Variants in SLC26A2 observed in about 807,000 individuals in gnomAD.
The protein encoded by SLC26A2 is sulfate transporter.
SLC26A2 carries 36 observed loss-of-function variants against 41.1 expected under a neutral mutation model. That is an observed-to-expected ratio of 0.88 (90% confidence interval 0.67 to 1.16). SLC26A2 has a LOEUF of 1.16. Ranked by LOEUF, SLC26A2 falls within the 50% of genes most tolerant of loss-of-function variation. The pLI is 0.00. For missense variants in SLC26A2, 796 were observed against 869.6 expected (o/e 0.92, Z 1.07); for synonymous variants, 291 against 311.6 (o/e 0.93, Z 0.70).
intron 1 of SLC26A2, among the ~76,000 whole-genome samples, chr5:149,966,464 C>T (rs141917917): frequency 6.6e-6 from 1 of 152,318 alleles, no homozygotes; most frequent in East Asian, 1.9e-4. Context: ...CACACATACA[C>T]AAACATGCAT....
chr5:149,971,785 G>A (rs947150723), intron 1 of SLC26A2, among the ~76,000 whole-genome samples: 1 of 152,184 alleles, frequency 6.6e-6, no homozygotes, highest in Non-Finnish European at 1.5e-5. Flanking sequence ...AGTGGAAAAA[G>A]AATGAAATAA....
At chr5:149,979,659 A>G (rs1755058139) in intron 2 of SLC26A2, among the ~76,000 whole-genome samples, 1 of 152,242 alleles carries the variant, frequency 6.6e-6, no homozygotes, top group South Asian at 2.1e-4. Context: ...TTTTATTAAT[A>G]TGGGAGACAG....
chr5:149,974,851 G>A (rs892083578), intron 1 of SLC26A2, among the ~76,000 whole-genome samples: 62 of 150,760 alleles, frequency 4.1e-4, no homozygotes, highest in Admixed American at 2.5e-3. Context: ...TCGGCCTCGC[G>A]AGTAGCTGGG....
At chr5:149,970,982 C>G (rs773329404) in intron 1 of SLC26A2, among the ~76,000 whole-genome samples, 4 of 152,156 alleles carry the variant, frequency 2.6e-5, no homozygotes, top group Non-Finnish European at 4.4e-5. Flanking sequence ...AGACCAGTAC[C>G]CAACCTCTAG....
chr5:149,966,256 T>C (rs1404376955), intron 1 of SLC26A2, among the ~76,000 whole-genome samples: 1 of 152,218 alleles, frequency 6.6e-6, no homozygotes, highest in Non-Finnish European at 1.5e-5. Flanking sequence ...TCTTGATCTC[T>C]GTCTAGCTCT....
At chr5:149,970,758 G>A (rs1360118272) in intron 1 of SLC26A2, among the ~76,000 whole-genome samples, 1 of 152,276 alleles carries the variant, frequency 6.6e-6, no homozygotes, top group East Asian at 1.9e-4. Flanking sequence ...ATAGTGAGAA[G>A]GGATTGGATT....
chr5:149,980,006 T>C (rs182124535), intron 2 of SLC26A2, among the ~76,000 whole-genome samples: 2 of 151,280 alleles, frequency 1.3e-5, no homozygotes, highest in African/African-American at 4.8e-5. Flanking sequence ...AAAAAAGAGG[T>C]ATGAACCTTA....
chr5:149,963,013 G>A (rs1754739017), intron 1 of SLC26A2, among the ~76,000 whole-genome samples: 1 of 152,210 alleles, frequency 6.6e-6, no homozygotes, highest in South Asian at 2.1e-4. Flanking sequence ...AAAATAAAGG[G>A]CATAGGAGTG....
At chr5:149,977,565 G>A (rs915319516) in intron 1 of SLC26A2, 63 bp from the exon 2 acceptor site, 32 of 855,006 alleles carry the variant, frequency 3.7e-5, no homozygotes, top group Middle Eastern at 2.2e-4. Flanking sequence ...AAATAGAATT[G>A]TTAGTATATG....
At chr5:149,967,392 T>C (rs1754823794) in intron 1 of SLC26A2, among the ~76,000 whole-genome samples, 1 of 152,198 alleles carries the variant, frequency 6.6e-6, no homozygotes, top group Non-Finnish European at 1.5e-5. Context: ...TTGTAATCTC[T>C]CTCTCCTACC....
chr5:149,985,876 T>TA lies in SLC26A2; in HGVS notation c.*4064dup, dbSNP rs886060247. The stretch of plus-strand genomic sequence containing the variant: ...AACTCTCCCAGGGAACACACTAGGG[T>TA]ACTTAGGGAGGTGCTTTGTGGAGCA... On this transcript the variant is annotated 3_prime_UTR_variant, in exon 3 of 3. Coordinates refer to ENST00000286298, the MANE Select transcript of SLC26A2 (RefSeq NM_000112.4). 13 of 152,334 alleles carry TA rather than the reference T, an allele frequency of 8.5e-5. No individual in the cohort carries two copies. Among genetic ancestry groups the TA allele is most frequent in the East Asian group, 3.9e-4 (2 of 5,184 alleles). 9.4% of individuals were successfully genotyped at this position (152,334 alleles called of 1,614,324 possible). A position where few individuals can be genotyped will look rare whatever the true frequency, so the allele number is the denominator to read the frequency against.
intron 1 of SLC26A2, among the ~76,000 whole-genome samples, chr5:149,966,165 G>T (rs245052): frequency 0.55 from 83,046 of 152,098 alleles, 25,301 homozygotes; most frequent in African/African-American, 0.83. Flanking sequence ...TCGGCCTTCC[G>T]AAGTGCTGAG....
At position 149,978,642 on chromosome 5, in the gene SLC26A2, CA is replaced by C. The variant is rs1168240220; in HGVS notation, c.699+292del. 1.5e-4 allele frequency among the ~76,000 whole-genome samples: 22 copies of C among 151,192 alleles called. No individual in the cohort carries two copies. The East Asian group carries it at 4.3e-3, about 29-fold the overall frequency. ...TGGTTATTGGCAGAGTCAGCATTAG[CA>C]GTTAGGCAAGTGGGTAACAGAATGG... On this transcript the variant is annotated intron_variant, in intron 2 of 2. Transcript: ENST00000286298.
chr5:149,974,376 C>T (rs181023006), intron 1 of SLC26A2, among the ~76,000 whole-genome samples: 100 of 151,264 alleles, frequency 6.6e-4, no homozygotes, highest in African/African-American at 2.3e-3. Context: ...TATATTTACT[C>T]TTCTTGGAAT....
At chr5:149,975,924 G>A (rs1462449259) in intron 1 of SLC26A2, among the ~76,000 whole-genome samples, 2 of 152,106 alleles carry the variant, frequency 1.3e-5, no homozygotes, top group African/African-American at 4.8e-5. Context: ...TTGGGAGGCT[G>A]AGGCGGATGG....
chr5:149,968,371 A>T (rs777475930), intron 1 of SLC26A2, among the ~76,000 whole-genome samples: 1 of 151,862 alleles, frequency 6.6e-6, no homozygotes, highest in African/African-American at 2.4e-5. Context: ...TTACATTTCT[A>T]CCAGCAATGT....
At position 149,982,536 on chromosome 5, in the gene SLC26A2, A is replaced by G. The variant is rs1428314727; in HGVS notation, c.*723A>G. 6.6e-6 allele frequency: 1 copy of G among 152,190 alleles called. No individual in the cohort carries two copies. The highest frequency in any genetic ancestry group is 2.4e-5 in the African/African-American group (1 of 41,434). 9.4% of individuals were successfully genotyped at this position (152,190 alleles called of 1,614,324 possible). The stretch of plus-strand genomic sequence containing the variant: ...ATAGGTAAGCACAAAGAGCTCTTCA[A>G]AATCAGAAAAAACAATAGGAGTCCT... On this transcript the variant is annotated 3_prime_UTR_variant, in exon 3 of 3. Transcript: ENST00000286298.
chr5:149,961,283 C>T (rs1222508018), intron 1 of SLC26A2, among the ~76,000 whole-genome samples: 1 of 152,192 alleles, frequency 6.6e-6, no homozygotes, highest in Non-Finnish European at 1.5e-5. Context: ...TTTTCCAGTC[C>T]TCGTTGATCC....
In SLC26A2 at chr5:149,977,677, C is replaced by G. The variant is rs151076648; in HGVS notation, c.25C>G (p.His9Asp). Residue 9 changes from histidine (H) to aspartate (D), a missense_variant, in exon 2 of 3, where the codon CAT (histidine) becomes GAT (aspartate). Coordinates refer to ENST00000286298, the MANE Select transcript of SLC26A2 (RefSeq NM_000112.4). Reference protein sequence around the residue: MSSESKEQHNVSPRDSAEG... With the variant: MSSESKEQDNVSPRDSAEG... ...AATGTCTTCAGAAAGTAAAGAGCAACATAACGTTTCACCCAGAGACTCAGC... is the reference window on the plus strand; with the variant it reads ...AATGTCTTCAGAAAGTAAAGAGCAAGATAACGTTTCACCCAGAGACTCAGC... 19 of 1,613,756 alleles carry G rather than the reference C, an allele frequency of 1.2e-5. No homozygotes were observed. In the South Asian group the frequency reaches 1.6e-4, roughly 14 times the overall value.
Sources: gnomAD v4.1 joint callset for allele counts (sites outside exome capture counted in the v4.1 genomes callset) on GRCh38, gnomAD v4.1.1 for gene constraint, MANE v1.5 for transcripts, NCBI Gene and HGNC (gene_info 2026-07-23, HGNC 2026-07-21) for gene names.